BARX1: variants seen among roughly 807,000 people sequenced by gnomAD.
BARX1 encodes BARX homeobox 1.
In BARX1, 10 loss-of-function variants were observed where a neutral mutation model predicts 19.6. The observed-to-expected ratio is 0.51, with a 90% CI of 0.31 to 0.86. The LOEUF (loss-of-function observed/expected upper bound fraction) is 0.86. Among genes scored for constraint, BARX1 ranks in the 40% least tolerant of loss-of-function variants. The pLI is 0.04. For missense variants in BARX1, 309 were observed against 360.4 expected (o/e 0.86, Z 1.15); for synonymous variants, 177 against 170.0 (o/e 1.04, Z -0.32).
intron 1 of BARX1, 97 bp from the exon 2 acceptor site, chr9:93,953,284 G>T: frequency 7.4e-7 from 1 of 1,349,978 alleles, no homozygotes; most frequent in Non-Finnish European, 9.7e-7. Flanking sequence ...CTCGCGCTTG[G>T]CCAGTGCCTC....
In BARX1 at chr9:93,953,078, G is replaced by C. The variant is rs1490329476; in HGVS notation, c.333C>G (p.Ala111=). The C allele has an allele frequency of 2.6e-6, 4 of 1,556,532 alleles. No individual in the cohort carries two copies. The highest frequency in any genetic ancestry group is 1.7e-6 in the Non-Finnish European group (2 of 1,151,052). Residue 111 remains alanine (A), a synonymous_variant, in exon 2 of 4, where the codon GCC becomes GCG. Transcript: ENST00000253968. The part of the protein sequence containing the change: ...LLAAGPGLPG[A]AGAPHLPLEL... ...CGAGCGGCAGGTGTGGCGCACCCGC[G>C]GCGCCGGGCAGCCCGGGCCCTGCCG...
At chr9:93,953,358 C>A in intron 1 of BARX1, 171 bp from the exon 2 acceptor site, 3 of 721,798 alleles carry the variant, frequency 4.2e-6, no homozygotes, top group Non-Finnish European at 4.3e-6. Flanking sequence ...CCCTCCTCAA[C>A]GTTGCCGTTC....
chr9:93,952,618 G>C, intron 3 of BARX1, 111 bp downstream of exon 3: 1 of 1,255,936 alleles, frequency 8.0e-7, no homozygotes, highest in Non-Finnish European at 1.1e-6. Flanking sequence ...GGCACCGAGG[G>C]AATCGGGGGG....
chr9:93,953,132 G>A lies in BARX1; in HGVS notation c.279C>T (p.Gly93=). The A allele has an allele frequency of 6.5e-7, 1 of 1,543,068 alleles. No individual in the cohort carries two copies. Among genetic ancestry groups the A allele is most frequent in the East Asian group, 2.4e-5 (1 of 41,560 alleles). The change falls in exon 2 of 4, where the codon GGC becomes GGT. Residue 93 remains glycine, a synonymous_variant. Transcript: ENST00000253968. ...AVFKFPLAPL[G]CSGLSSALLA... ...GCAACGCAGAGCTCAGCCCTGAACA[G>A]CCCAGCGGCGCCAGTGGGAACTTGA...
Position 93,954,977 on chromosome 9 carries a change from A to G in BARX1, c.170T>C (p.Leu57Pro), listed in dbSNP as rs1829144438. The stretch of plus-strand genomic sequence containing the variant: ...CAGCAGCGCCTGCACGCCGAACTTC[A>G]GCAGCTCGCCCGCCGCGGCAGCGGC... ...AAAAAAAGELLKFGVQALLAA... is the reference protein window; with the variant it reads ...AAAAAAAGELPKFGVQALLAA... The change falls in exon 1 of 4, where the codon CTG (leucine) becomes CCG (proline). Residue 57 changes from leucine (L) to proline (P), a missense_variant. Transcript: ENST00000253968. 2 of 1,400,266 alleles carry G rather than the reference A, an allele frequency of 1.4e-6. No individual in the cohort carries two copies. The highest frequency in any genetic ancestry group is 1.9e-6 in the Non-Finnish European group (2 of 1,079,430). The allele number at this position is 1,400,266 out of a possible 1,614,324, so 86.7% of individuals were successfully genotyped here.
chr9:93,952,210 G>T lies in BARX1; in HGVS notation c.719C>A (p.Pro240Gln). The change falls in exon 4 of 4, where the codon CCG becomes CAG. Residue 240 changes from proline (P) to glutamine (Q), a missense_variant. Pro to Gln is a moderately conservative substitution (Grantham distance 76). Transcript: ENST00000253968. ...GCTGGGCTCGCCCGGCACCTCCGCC[G>T]GTTTCTCTGCATCCTTGGCGCGCTC... is the stretch of plus-strand genomic sequence containing the variant. ...EQERAKDAEKPAEVPGEPSDR... is the reference protein window; with the variant it reads ...EQERAKDAEKQAEVPGEPSDR... The T allele has an allele frequency of 6.2e-7, 1 of 1,611,168 alleles. No homozygotes were observed. The highest frequency in any genetic ancestry group is 8.5e-7 in the Non-Finnish European group (1 of 1,179,858).
Position 93,954,944 on chromosome 9 carries a change from C to A in BARX1, c.203G>T (p.Arg68Leu). 7.4e-7 allele frequency: 1 copy of A among 1,348,158 alleles called. No homozygotes were observed. The highest frequency in any genetic ancestry group is 9.5e-7 in the Non-Finnish European group (1 of 1,057,866). 83.5% of individuals were successfully genotyped at this position (1,348,158 alleles called of 1,614,324 possible). Residue 68 changes from arginine to leucine, a missense_variant, in exon 1 of 4, where the codon CGG becomes CTG. Physicochemically the swap from Arg to Leu is moderately radical, Grantham distance 102. Around this residue, in one of 3 missense-constraint regions of BARX1, gnomAD observed 204 missense variants for 206.8 expected, o/e 0.99. Coordinates refer to ENST00000253968, the MANE Select transcript of BARX1 (RefSeq NM_021570.4). ...KFGVQALLAA[R>L]PFHSHLAVLK... is the part of the protein sequence containing the mutation. The stretch of plus-strand genomic sequence containing the variant: ...CGTACCCAGGTGGCTGTGGAAGGGC[C>A]GCGCCGCCAGCAGCGCCTGCACGCC...
chr9:93,954,856 C>A (rs893198889), intron 1 of BARX1, 68 bp downstream of exon 1: 1 of 1,131,406 alleles, frequency 8.8e-7, no homozygotes, highest in East Asian at 3.4e-5. Context: ...AGGCTCGGGG[C>A]GCCCCCGCGG....
Position 93,952,825 on chromosome 9 carries a change from AG to A in BARX1, c.516-13del. On this transcript the variant is annotated splice_polypyrimidine_tract_variant and intron_variant, in intron 2 of 3. Transcript: ENST00000253968. ...CAGCAAGATCTATTCTGGAAAGAGC[AG>A]GGCGCACCCTCAGCAAGGCAAGTGA... is the stretch of plus-strand genomic sequence containing the variant. 2 of 1,614,122 alleles carry A rather than the reference AG, an allele frequency of 1.2e-6. No homozygotes were observed. Among genetic ancestry groups the A allele is most frequent in the Non-Finnish European group, 1.7e-6 (2 of 1,180,014 alleles).
chr9:93,955,111 G>A lies in BARX1; in HGVS notation c.36C>T (p.Phe12=). 8.0e-7 allele frequency: 1 copy of A among 1,249,172 alleles called. No homozygotes were observed. The highest frequency in any genetic ancestry group is 1.0e-6 in the Non-Finnish European group (1 of 998,136). 77.4% of individuals were successfully genotyped at this position (1,249,172 alleles called of 1,614,324 possible). ...QRPGEPGAAR[F]GPPEGCADHR... ...GGTCCGCGCAGCCCTCGGGCGGGCC[G>A]AAGCGCGCGGCGCCCGGCTCCCCCG... The change falls in exon 1 of 4, where the codon TTC becomes TTT. Residue 12 remains phenylalanine, a synonymous_variant. Coordinates refer to ENST00000253968, the MANE Select transcript of BARX1 (RefSeq NM_021570.4). This position sits in a 1 kb window ranked among gnomAD's most constrained non-coding sequence, Gnocchi z 4.4.
At position 93,952,181 on chromosome 9, in the gene BARX1, T is replaced by A. The variant is rs1171882411; in HGVS notation, c.748A>T (p.Arg250Trp). The change falls in exon 4 of 4, where the codon AGG (arginine) becomes TGG (tryptophan). Residue 250 changes from arginine (R) to tryptophan (W), a missense_variant. Arg to Trp is a moderately radical substitution (Grantham distance 101). Transcript: ENST00000253968. ...TACCGCCCTCAGTCCTCGCGGCTCC[T>A]GTCGCTGGGCTCGCCCGGCACCTCC... ...PAEVPGEPSDRSRED is the reference protein window; with the variant it reads ...PAEVPGEPSDWSRED The A allele has an allele frequency of 1.2e-6, 2 of 1,608,578 alleles. No homozygotes were observed. Among genetic ancestry groups the A allele is most frequent in the African/African-American group, 2.7e-5 (2 of 74,932 alleles).
In BARX1 at chr9:93,952,296, G is replaced by C. The variant is rs756008149; in HGVS notation, c.633C>G (p.Thr211=). 1.3e-5 allele frequency: 21 copies of C among 1,611,102 alleles called. No individual in the cohort carries two copies. The Admixed American group carries it at 2.7e-4, about 20-fold the overall frequency. The change falls in exon 4 of 4, where the codon ACC becomes ACG. Residue 211 remains threonine (T), a synonymous_variant. Coordinates refer to ENST00000253968, the MANE Select transcript of BARX1 (RefSeq NM_021570.4). The part of the protein sequence containing the change: ...VLQGGGLESP[T]KPKGRPKKNS... ...TCTTCTTGGGCCGCCCCTTGGGCTT[G>C]GTGGGAGACTCCAGGCCGCCGCCCT...
rs1169800807 is a variant in BARX1 at position 93,953,478 on chromosome 9, G to C, written c.224-291C>G. 1.4e-5 allele frequency: 6 copies of C among 443,258 alleles called. No individual in the cohort carries two copies. The East Asian group carries it at 2.2e-4, about 16-fold the overall frequency. 27.5% of individuals were successfully genotyped at this position (443,258 alleles called of 1,614,324 possible). ...GGGGTTCCTGATGAACATGTTTGCAGCTGCGAGAAACTCGGAGTGTGTCTT... is the reference window on the plus strand; with the variant it reads ...GGGGTTCCTGATGAACATGTTTGCACCTGCGAGAAACTCGGAGTGTGTCTT... On this transcript the variant is annotated intron_variant, in intron 1 of 3. Transcript: ENST00000253968.
rs1829149146 is a variant in BARX1, at chr9:93,955,239, G to T, written c.-93C>A. On this transcript the variant is annotated 5_prime_UTR_variant, in exon 1 of 4. It introduces an in-frame stop codon into an upstream open reading frame of the 5' UTR. Coordinates refer to ENST00000253968, the MANE Select transcript of BARX1 (RefSeq NM_021570.4). This position sits in a 1 kb window ranked among gnomAD's most constrained non-coding sequence, Gnocchi z 4.4. ...CCCGCGCGGGGCTCTAGGCCGGCCC[G>T]CAGCTCGGGGCGGCGCGCGGGCGCC... 1 of 516,562 alleles carries T rather than the reference G, an allele frequency of 1.9e-6. No individual in the cohort carries two copies. The highest frequency in any genetic ancestry group is 2.5e-6 in the Non-Finnish European group (1 of 405,072). The allele number at this position is 516,562 out of a possible 1,614,324, so 32.0% of individuals were successfully genotyped here.
chr9:93,954,624 G>T (rs987156972), intron 1 of BARX1, among the ~76,000 whole-genome samples: 2 of 152,248 alleles, frequency 1.3e-5, no homozygotes, highest in African/African-American at 4.8e-5. Context: ...CTGGCAGTGC[G>T]CCTGCACTGG....
At position 93,955,107 on chromosome 9, in the gene BARX1, G is replaced by T. The variant is rs770854053; in HGVS notation, c.40C>A (p.Pro14Thr). The change falls in exon 1 of 4, where the codon CCG becomes ACG. Residue 14 changes from proline to threonine, a missense_variant. This residue lies in a region of BARX1 where 204 missense variants were observed against 206.8 expected (regional missense o/e 0.99). Transcript: ENST00000253968. The surrounding 1 kb of genome is among the most constrained non-coding windows in gnomAD (Gnocchi z 4.4). ...PGEPGAARFG[P>T]PEGCADHRPH... is the part of the protein sequence containing the mutation. ...CGGTGGTCCGCGCAGCCCTCGGGCG[G>T]GCCGAAGCGCGCGGCGCCCGGCTCC... 44 of 1,260,724 alleles carry T rather than the reference G, an allele frequency of 3.5e-5. 2 individuals carry two copies. The South Asian group carries it at 1.1e-3, about 31-fold the overall frequency. The allele number at this position is 1,260,724 out of a possible 1,614,324, so 78.1% of individuals were successfully genotyped here. A position where few individuals can be genotyped will look rare whatever the true frequency, so the allele number is the denominator to read the frequency against.
In BARX1 at chr9:93,951,650, G is replaced by T. The variant is rs1217298351; in HGVS notation, c.*514C>A. ...GATTGTGTCATAAAATATTTTATTG[G>T]AAAAAAAGTCACCGTCTTCGCAAGA... On this transcript the variant is annotated 3_prime_UTR_variant, in exon 4 of 4. Transcript: ENST00000253968. 1 of 152,370 alleles carries T rather than the reference G, an allele frequency of 6.6e-6. No homozygotes were observed. The highest frequency in any genetic ancestry group is 1.9e-4 in the East Asian group (1 of 5,174). 9.4% of individuals were successfully genotyped at this position (152,370 alleles called of 1,614,324 possible).
chr9:93,953,958 G>C (rs1037868448), intron 1 of BARX1, among the ~76,000 whole-genome samples: 5 of 152,194 alleles, frequency 3.3e-5, no homozygotes, highest in African/African-American at 1.2e-4. Flanking sequence ...CAGGGAAGGC[G>C]ACTTGAAGGG....
chr9:93,953,607 G>A (rs1829127082), intron 1 of BARX1, among the ~76,000 whole-genome samples: 1 of 152,258 alleles, frequency 6.6e-6, no homozygotes, highest in African/African-American at 2.4e-5. Context: ...AAAAGAACAT[G>A]CACGGAGCGT....
Sources: allele counts gnomAD v4.1 joint callset (sites outside exome capture counted in the v4.1 genomes callset), GRCh38; gene constraint gnomAD v4.1.1; regional missense constraint gnomAD v4.1.1; non-coding constraint Gnocchi (gnomAD v3.1); transcripts MANE v1.5; gene names NCBI Gene and HGNC (gene_info 2026-07-23, HGNC 2026-07-21).